The following DPH6 variants were observed in gnomAD, a reference collection of about 807,000 sequenced individuals.
DPH6 encodes diphthamine biosynthesis 6.
A neutral mutation model predicts 38.2 loss-of-function variants in DPH6; 33 were observed. That is an observed-to-expected ratio of 0.86 (90% CI 0.65 to 1.15). The LOEUF is 1.15. DPH6 is among the 50% of genes most tolerant of loss of function. The pLI is 0.00. For synonymous variants in DPH6, 108 were observed against 103.0 expected (o/e 1.05, Z -0.30); for missense variants, 325 against 320.0 (o/e 1.02, Z -0.12).
chr15:35,358,680 T>C (rs2052589007), intron 3 of DPH6, among the ~76,000 whole-genome samples: 1 of 152,224 alleles, frequency 6.6e-6, no homozygotes, highest in Non-Finnish European at 1.5e-5. Context: ...ACAGCAAGTC[T>C]ACCTGGCTCT....
chr15:35,228,411 T>C (rs1390431735), intron 3 of DPH6, among the ~76,000 whole-genome samples: 1 of 152,182 alleles, frequency 6.6e-6, no homozygotes, highest in East Asian at 1.9e-4. Context: ...GTGTACTTAC[T>C]ATTACCAGTG....
At chr15:35,291,985 CTCT>C (rs2051983351) in intron 3 of DPH6, among the ~76,000 whole-genome samples, 1 of 152,048 alleles carries the variant, frequency 6.6e-6, no homozygotes, top group South Asian at 2.1e-4. Context: ...CACTCTACTC[CTCT>C]AATACTTAAT....
At chr15:35,294,264 G>A (rs937369725) in intron 3 of DPH6, among the ~76,000 whole-genome samples, 50 of 152,090 alleles carry the variant, frequency 3.3e-4, no homozygotes, top group Non-Finnish European at 1.0e-4. Flanking sequence ...TATAACAATT[G>A]TTTCCTTAGT....
intron 3 of DPH6, among the ~76,000 whole-genome samples, chr15:35,511,669 A>T (rs1258550350): frequency 1.3e-5 from 2 of 152,140 alleles, no homozygotes; most frequent in African/African-American, 4.8e-5. Context: ...CAGCGTTTTC[A>T]TATCACTGAC....
At chr15:35,145,232 T>C in the DPH6 span, among the ~76,000 whole-genome samples, 3 of 152,242 alleles carry the variant, frequency 2.0e-5, no homozygotes, top group Non-Finnish European at 4.4e-5. Context: ...GATGAATTTC[T>C]TTCTAGTCTT....
At chr15:35,543,395 C>T (rs978550113) in intron 1 of DPH6, among the ~76,000 whole-genome samples, 35 of 151,100 alleles carry the variant, frequency 2.3e-4, no homozygotes, top group African/African-American at 8.3e-4. Context: ...AAGGCAGACG[C>T]ATATCACTTA....
intron 3 of DPH6, among the ~76,000 whole-genome samples, chr15:35,511,346 T>G (rs2054767401): frequency 6.6e-6 from 1 of 152,160 alleles, no homozygotes; most frequent in African/African-American, 2.4e-5. Flanking sequence ...GCGTTTAAAT[T>G]GGATCTAGAT....
the DPH6 span, among the ~76,000 whole-genome samples, chr15:35,206,555 C>A: frequency 6.6e-6 from 1 of 152,122 alleles, no homozygotes; most frequent in East Asian, 1.9e-4. Context: ...TAGTAAGTGC[C>A]TGCTCCAAAT....
At chr15:35,269,365 A>C (rs1410931627) in intron 3 of DPH6, among the ~76,000 whole-genome samples, 1 of 152,202 alleles carries the variant, frequency 6.6e-6, no homozygotes, top group Non-Finnish European at 1.5e-5. Context: ...ACTCAATGCA[A>C]CCCCAGAAAT....
At chr15:35,396,589 G>C (rs543215404) in intron 6 of DPH6, 239 of 151,460 alleles carry the variant, frequency 1.6e-3, no homozygotes, top group African/African-American at 5.6e-3. Context: ...AAGTTGCTCT[G>C]AATTTTCTCA....
chr15:35,307,520 C>A (rs1005375000), intron 3 of DPH6, among the ~76,000 whole-genome samples: 1 of 151,844 alleles, frequency 6.6e-6, no homozygotes, highest in African/African-American at 2.4e-5. Flanking sequence ...GGAAAAACAA[C>A]AGTATAAAGG....
At chr15:35,517,069 A>G (rs888463601) in intron 3 of DPH6, among the ~76,000 whole-genome samples, 6 of 152,168 alleles carry the variant, frequency 3.9e-5, no homozygotes, top group African/African-American at 7.2e-5. Flanking sequence ...TTAATAAAAT[A>G]TAATAGCTTG....
chr15:35,312,808 T>C (rs2052155449), intron 3 of DPH6, among the ~76,000 whole-genome samples: 1 of 152,218 alleles, frequency 6.6e-6, no homozygotes, highest in African/African-American at 2.4e-5. Context: ...CTTGGTGCCT[T>C]TGTCAAAGAT....
the DPH6 span, among the ~76,000 whole-genome samples, chr15:35,166,689 T>G: frequency 6.6e-6 from 1 of 151,956 alleles, no homozygotes; most frequent in Non-Finnish European, 1.5e-5. Context: ...CTACATACAT[T>G]TCATTCAGAG....
In DPH6 at chr15:35,371,534, A is replaced by AT; in HGVS notation, c.*615dup. The stretch of plus-strand genomic sequence containing the variant: ...AAAACTGTTCTAAAACATAAAGTCT[A>AT]TTTTTTGTAAAAGTTTTCTAAGGTC... On this transcript the variant is annotated 3_prime_UTR_variant, in exon 9 of 9. Coordinates refer to ENST00000256538, the MANE Select transcript of DPH6 (RefSeq NM_080650.4). 2 of 958,190 alleles carry AT rather than the reference A, an allele frequency of 2.1e-6. No homozygotes were observed. Among genetic ancestry groups the AT allele is most frequent in the South Asian group, 4.8e-5 (1 of 20,724 alleles). 59.4% of individuals were successfully genotyped at this position (958,190 alleles called of 1,614,324 possible). A position where few individuals can be genotyped will look rare whatever the true frequency, so the allele number is the denominator to read the frequency against.
At chr15:35,403,051 G>T (rs944199381) in intron 6 of DPH6, among the ~76,000 whole-genome samples, 1 of 151,936 alleles carries the variant, frequency 6.6e-6, no homozygotes, top group Admixed American at 6.6e-5. Context: ...CATGTTAGAA[G>T]AAAAAGGAGG....
At chr15:35,284,801 A>ATTTTTT (rs71123127) in intron 3 of DPH6, among the ~76,000 whole-genome samples, 28 of 79,256 alleles carry the variant, frequency 3.5e-4, no homozygotes, top group East Asian at 1.5e-3. Context: ...AAGTCTCCAA[A>ATTTTTT]TTTTTTTTTT....
intron 3 of DPH6, among the ~76,000 whole-genome samples, chr15:35,268,192 T>A (rs1398263996): frequency 5.4e-5 from 8 of 148,142 alleles, no homozygotes; most frequent in South Asian, 4.3e-4. Context: ...AATAAATAAA[T>A]AAATAAATAA....
rs187762485 is a variant in DPH6, at chr15:35,253,807, C to T, written n.201-33225G>A. ...CAAGGATTATTTGGTGAAGCTAAAG[C>T]GGCACATCAACCAGCAGCATCTGAG... On this transcript the variant is annotated intron_variant and non_coding_transcript_variant, in intron 3 of 3. Coordinates refer to the DPH6 transcript ENST00000560386. Among the ~76,000 whole-genome samples, 116 of 152,262 alleles carry T rather than the reference C, an allele frequency of 7.6e-4. No homozygotes were observed. In the East Asian group the frequency reaches 0.01, roughly 13 times the overall value.
Sources: allele counts gnomAD v4.1 joint callset (sites outside exome capture counted in the v4.1 genomes callset), GRCh38; gene constraint gnomAD v4.1.1; transcripts MANE v1.5; gene names NCBI Gene and HGNC (gene_info 2026-07-23, HGNC 2026-07-21).